TANGO2: variants seen among roughly 807,000 people sequenced by gnomAD.
TANGO2 encodes the protein transport and Golgi organization protein 2 homolog.
A neutral mutation model predicts 39.1 loss-of-function variants in TANGO2; 26 were observed. That is an observed-to-expected ratio of 0.67 (90% CI 0.49 to 0.92). The LOEUF (loss-of-function observed/expected upper bound fraction) is 0.92, where lower values mean the gene tolerates loss of function less well. Ranked by LOEUF, TANGO2 falls within the 40% of genes least tolerant of loss-of-function variation. TANGO2 has a pLI of 0.00. For missense variants in TANGO2, 326 were observed against 360.1 expected, an observed-to-expected ratio of 0.91 and a Z score of 0.77; for synonymous variants, 131 against 144.5, an observed-to-expected ratio of 0.91 and a Z score of 0.67.
chr22:20,041,105 A>C (rs958392992), intron 2 of TANGO2, among the ~76,000 whole-genome samples: 12 of 152,252 alleles, frequency 7.9e-5, no homozygotes, highest in African/African-American at 2.9e-4. Context: ...ATGTGCACAC[A>C]GGTGTGAATG....
In TANGO2 at chr22:20,047,937, T is replaced by C. The variant is rs1026599182; in HGVS notation, c.145+4494T>C. 38 of 151,892 alleles carry C rather than the reference T, an allele frequency of 2.5e-4. 3 individuals are homozygous for C. The allele number at this position is 151,892 out of a possible 1,614,324, so 9.4% of individuals were successfully genotyped here. The stretch of plus-strand genomic sequence containing the variant: ...GATCTGATAGTGTTTTGTTTTTTTT[T>C]TTTTGAGACTGAGTTTCGCTCTTGT... On this transcript the variant is annotated intron_variant, in intron 3 of 8. Transcript: ENST00000327374.
intron 3 of TANGO2, among the ~76,000 whole-genome samples, chr22:20,050,135 C>T (rs1439928679): frequency 2.6e-5 from 4 of 151,856 alleles, no homozygotes; most frequent in Admixed American, 1.3e-4. Context: ...GGCCTGAACC[C>T]GGGAGGCGGA....
intron 2 of TANGO2, among the ~76,000 whole-genome samples, chr22:20,038,243 A>G (rs2043226716): frequency 6.6e-6 from 1 of 151,972 alleles, no homozygotes; most frequent in African/African-American, 2.4e-5. Context: ...AGCCCTGCTG[A>G]CGCCTTGATC....
At chr22:20,061,385 A>T in intron 6 of TANGO2, 145 bp from the exon 7 acceptor site, 1 of 890,176 alleles carries the variant, frequency 1.1e-6, no homozygotes, top group Non-Finnish European at 1.7e-6. Flanking sequence ...ATGGGGAAGG[A>T]GCTGGAGCAT....
chr22:20,051,059 C>T (rs2046254328), intron 3 of TANGO2, among the ~76,000 whole-genome samples: 1 of 150,442 alleles, frequency 6.6e-6, no homozygotes, highest in Non-Finnish European at 1.5e-5. Context: ...TGGTGTTTCT[C>T]CATGTTGGTC....
intron 6 of TANGO2, chr22:20,056,469 G>A: frequency 2.2e-6 from 1 of 458,722 alleles, no homozygotes; most frequent in Non-Finnish European, 4.4e-6. Context: ...CTGATCCCCG[G>A]TCCCCATCCT....
intron 1 of TANGO2, chr22:20,033,027 C>T (rs2042154867): frequency 2.6e-6 from 1 of 382,388 alleles, no homozygotes; most frequent in Admixed American, 3.3e-5. Flanking sequence ...CACACAGGGG[C>T]CCAGGCAAAG....
intron 2 of TANGO2, among the ~76,000 whole-genome samples, chr22:20,041,513 C>T (rs970718438): frequency 1.3e-5 from 2 of 152,094 alleles, no homozygotes; most frequent in African/African-American, 4.8e-5. Flanking sequence ...GGGGTTTTAC[C>T]GTGTTAGCCA....
chr22:20,056,964 C>T (rs1442684302), intron 6 of TANGO2: 1 of 456,240 alleles, frequency 2.2e-6, no homozygotes, highest in Non-Finnish European at 4.4e-6. Flanking sequence ...CCCTTAGCGC[C>T]ACCCACACCC....
At chr22:20,032,548 G>C (rs573946592) in intron 1 of TANGO2, among the ~76,000 whole-genome samples, 1 of 152,262 alleles carries the variant, frequency 6.6e-6, no homozygotes, top group African/African-American at 2.4e-5. Context: ...GGCCAACCCT[G>C]CATGGCTTTG....
At position 20,050,872 on chromosome 22, in the gene TANGO2, G is replaced by A. The variant is rs557377103; in HGVS notation, c.146-1593G>A. On this transcript the variant is annotated intron_variant, in intron 3 of 8. Transcript: ENST00000327374. ...TTTTTTTTTTTTGAGACAGAGTTTC[G>A]CTGAGAGTGCAATGGTGTGATCTCG... Among the ~76,000 whole-genome samples, 12 of 139,350 alleles carry A rather than the reference G, an allele frequency of 8.6e-5. No individual in the cohort carries two copies. The South Asian group carries it at 1.1e-3, about 13-fold the overall frequency. The allele number at this position is 139,350 out of a possible 152,430, so 91.4% of individuals were successfully genotyped here. A position where few individuals can be genotyped will look rare whatever the true frequency, so the allele number is the denominator to read the frequency against.
intron 3 of TANGO2, among the ~76,000 whole-genome samples, chr22:20,046,301 A>T (rs1338987920): frequency 6.6e-6 from 1 of 151,978 alleles, no homozygotes; most frequent in East Asian, 1.9e-4. Context: ...GCACATCACC[A>T]TGCCCAGCTA....
At chr22:20,017,789 G>A (rs960964465), upstream of TANGO2, among the ~76,000 whole-genome samples, 8 of 152,330 alleles carry the variant, frequency 5.3e-5, no homozygotes, top group African/African-American at 1.4e-4. Flanking sequence ...CCAGCTCTGC[G>A]TAACCTTGTG....
upstream of TANGO2, among the ~76,000 whole-genome samples, chr22:20,018,353 C>A (rs1601729899): frequency 6.6e-6 from 1 of 152,238 alleles, no homozygotes; most frequent in African/African-American, 2.4e-5. Context: ...TGTGGAGCAG[C>A]ACCATGGTGA....
At chr22:20,063,905 G>C (rs1030306445) in intron 8 of TANGO2, among the ~76,000 whole-genome samples, 1 of 152,268 alleles carries the variant, frequency 6.6e-6, no homozygotes. Flanking sequence ...TCCACTCCCT[G>C]GCAGGCCGCA....
At chr22:20,050,634 T>C (rs2046152227) in intron 3 of TANGO2, among the ~76,000 whole-genome samples, 2 of 151,418 alleles carry the variant, frequency 1.3e-5, no homozygotes, top group East Asian at 3.9e-4. Flanking sequence ...AGTGCTGGGA[T>C]TACAGGCGTG....
At chr22:20,027,353 G>A (rs1239544201) in intron 1 of TANGO2, among the ~76,000 whole-genome samples, 1 of 152,224 alleles carries the variant, frequency 6.6e-6, no homozygotes, top group East Asian at 1.9e-4. Context: ...CATGTGCAGA[G>A]CATGTGCTAG....
At chr22:20,052,345 G>C in intron 3 of TANGO2, 120 bp from the exon 4 acceptor site, 1 of 1,433,724 alleles carries the variant, frequency 7.0e-7, no homozygotes, top group East Asian at 2.5e-5. Context: ...GCCGCATGTC[G>C]AACGTCCTCG....
chr22:20,029,526 C>A (rs1000986322), intron 1 of TANGO2, among the ~76,000 whole-genome samples: 2 of 152,180 alleles, frequency 1.3e-5, no homozygotes, highest in Non-Finnish European at 2.9e-5. Flanking sequence ...GGACGGGAAG[C>A]CCTTGGCTGC....
Sources: gnomAD v4.1 joint callset for allele counts (sites outside exome capture counted in the v4.1 genomes callset) on GRCh38, gnomAD v4.1.1 for gene constraint, MANE v1.5 for transcripts, NCBI Gene and HGNC (gene_info 2026-07-23, HGNC 2026-07-21) for gene names.